Variants in MAGI2 observed in about 807,000 individuals in gnomAD.
The protein encoded by MAGI2 is membrane-associated guanylate kinase, WW and PDZ domain-containing protein 2.
MAGI2 carries 35 observed loss-of-function variants against 133.3 expected under a neutral mutation model. The ratio of observed to expected loss-of-function variants is 0.26; its 90% confidence interval spans 0.20 to 0.35. The LOEUF is 0.35. Among genes scored for constraint, MAGI2 ranks in the 10% least tolerant of loss-of-function variants. The pLI, the probability that MAGI2 is intolerant of heterozygous loss-of-function variation, is 1.00. For missense variants in MAGI2, 1,636 were observed against 1,863.4 expected (o/e 0.88, Z 2.25); for synonymous variants, 729 against 710.6 (o/e 1.03, Z -0.41).
rs552477253 is a variant in MAGI2, at chr7:79,375,998, A to G, written c.301+77022T>C. Reference sequence around the variant, plus strand: ...TTTTTCTTAAATGATTCTTTTATATAGGTTAACATGATTAGTTTACCTAGG... The same window carrying G: ...TTTTTCTTAAATGATTCTTTTATATGGGTTAACATGATTAGTTTACCTAGG... On this transcript the variant is annotated intron_variant, in intron 1 of 21. Transcript: ENST00000354212. 1.2e-4 allele frequency among the ~76,000 whole-genome samples: 18 copies of G among 152,032 alleles called. No individual in the cohort carries two copies. The East Asian group carries it at 3.5e-3, about 29-fold the overall frequency.
chr7:78,943,509 C>A (rs1260206883), intron 2 of MAGI2, among the ~76,000 whole-genome samples: 1 of 152,090 alleles, frequency 6.6e-6, no homozygotes, highest in Non-Finnish European at 1.5e-5. Context: ...GAAATGGCCT[C>A]ATTATACAGC....
At chr7:78,832,943 C>T (rs1050606896) in intron 2 of MAGI2, among the ~76,000 whole-genome samples, 2 of 152,126 alleles carry the variant, frequency 1.3e-5, no homozygotes, top group African/African-American at 4.8e-5. Context: ...TAAACCGACG[C>T]ATGAGGGGCA....
In MAGI2 at chr7:78,018,714, C is replaced by T. The variant is rs2151026794; in HGVS notation, c.*601G>A. 6.4e-6 allele frequency: 1 copy of T among 155,196 alleles called. No homozygotes were observed. The highest frequency in any genetic ancestry group is 2.4e-5 in the African/African-American group (1 of 41,712). 9.6% of individuals were successfully genotyped at this position (155,196 alleles called of 1,614,324 possible). A position where few individuals can be genotyped will look rare whatever the true frequency, so the allele number is the denominator to read the frequency against. ...GTCATCCTGCAGGAGGCAGGGAACG[C>T]TGCTGCTAACACCGAGGATGGATGC... On this transcript the variant is annotated 3_prime_UTR_variant, in exon 22 of 22. Coordinates refer to ENST00000354212, the MANE Select transcript of MAGI2 (RefSeq NM_012301.4).
intron 1 of MAGI2, among the ~76,000 whole-genome samples, chr7:79,437,958 C>T (rs574695839): frequency 2.6e-4 from 40 of 152,232 alleles, no homozygotes; most frequent in Admixed American, 9.8e-4. Context: ...ATGTCCTCCT[C>T]TTCCCCTATT....
intron 6 of MAGI2, among the ~76,000 whole-genome samples, chr7:78,443,573 C>T (rs139661456): frequency 3.1e-4 from 47 of 152,144 alleles, no homozygotes; most frequent in African/African-American, 1.1e-3. Context: ...TTTGATTATT[C>T]CTCTGTTATA....
At chr7:78,701,684 C>A (rs1191935467) in intron 2 of MAGI2, among the ~76,000 whole-genome samples, 2 of 151,930 alleles carry the variant, frequency 1.3e-5, no homozygotes, top group South Asian at 2.1e-4. Context: ...TCCTTCCTTC[C>A]TTCATAAACT....
At chr7:78,827,575 C>G (rs866741050) in intron 2 of MAGI2, among the ~76,000 whole-genome samples, 1 of 152,058 alleles carries the variant, frequency 6.6e-6, no homozygotes, top group South Asian at 2.1e-4. Flanking sequence ...CATGGTGCAC[C>G]CAGCCTCTTT....
At chr7:78,284,813 T>G (rs1269394398) in intron 9 of MAGI2, among the ~76,000 whole-genome samples, 1 of 152,106 alleles carries the variant, frequency 6.6e-6, no homozygotes. Context: ...GGTAGGAGAA[T>G]CTTCCTCCCT....
intron 1 of MAGI2, among the ~76,000 whole-genome samples, chr7:79,286,238 AATAAAT>A (rs1835988979): frequency 6.6e-6 from 1 of 152,066 alleles, no homozygotes; most frequent in Non-Finnish European, 1.5e-5. Flanking sequence ...AAATATAAGT[AATAAAT>A]ATAAAGTCTT....
At chr7:78,302,810 C>A (rs927555211) in intron 9 of MAGI2, among the ~76,000 whole-genome samples, 1 of 152,200 alleles carries the variant, frequency 6.6e-6, no homozygotes, top group Non-Finnish European at 1.5e-5. Flanking sequence ...CATAGTCTTC[C>A]CCAATTCAGC....
intron 6 of MAGI2, among the ~76,000 whole-genome samples, chr7:78,429,886 C>T (rs550139305): frequency 6.6e-6 from 1 of 151,990 alleles, no homozygotes; most frequent in Non-Finnish European, 1.5e-5. Context: ...ATCAAGAAAT[C>T]GAGGTATTGA....
intron 1 of MAGI2, among the ~76,000 whole-genome samples, chr7:79,169,200 C>T (rs1370469329): frequency 3.3e-5 from 5 of 151,930 alleles, no homozygotes; most frequent in Non-Finnish European, 5.9e-5. Flanking sequence ...GTTGGTATTC[C>T]TCAGGGTTCT....
intron 6 of MAGI2, among the ~76,000 whole-genome samples, chr7:78,401,800 C>T (rs1311241013): frequency 6.6e-6 from 1 of 152,074 alleles, no homozygotes; most frequent in Non-Finnish European, 1.5e-5. Context: ...GACAATAATA[C>T]CTACCACACA....
chr7:78,078,681 C>A (rs773083776), intron 21 of MAGI2: 1 of 556,562 alleles, frequency 1.8e-6, no homozygotes, highest in Non-Finnish European at 3.1e-6. Flanking sequence ...TCACAGATGC[C>A]CTGAAAGGTC....
intron 9 of MAGI2, among the ~76,000 whole-genome samples, chr7:78,297,853 G>A (rs1446535230): frequency 1.8e-5 from 2 of 110,086 alleles, no homozygotes; most frequent in South Asian, 8.1e-4. Context: ...GGGGAGGGGG[G>A]AGGGATAGCA....
chr7:78,557,144 T>C (rs1584623177), intron 3 of MAGI2, among the ~76,000 whole-genome samples: 1 of 145,932 alleles, frequency 6.9e-6, no homozygotes. Context: ...AAACTGAGGC[T>C]AGAAGATTTT....
chr7:78,993,526 A>C (rs1335594716), intron 2 of MAGI2, among the ~76,000 whole-genome samples: 2 of 152,054 alleles, frequency 1.3e-5, no homozygotes, highest in African/African-American at 4.8e-5. Flanking sequence ...CTTAGGTGTC[A>C]CAGGAAGTTG....
At chr7:79,192,594 G>A (rs1173421214) in intron 1 of MAGI2, among the ~76,000 whole-genome samples, 2 of 151,848 alleles carry the variant, frequency 1.3e-5, no homozygotes, top group Non-Finnish European at 2.9e-5. Context: ...TGGCAAATAT[G>A]TGTGAAGACC....
intron 2 of MAGI2, among the ~76,000 whole-genome samples, chr7:78,923,428 C>T (rs1005423989): frequency 5.1e-4 from 77 of 152,278 alleles, no homozygotes; most frequent in African/African-American, 1.9e-3. Flanking sequence ...CCAGTTTTCC[C>T]AGCACCATTT....
Sources: gnomAD v4.1 joint callset for allele counts (sites outside exome capture counted in the v4.1 genomes callset) on GRCh38, gnomAD v4.1.1 for gene constraint, MANE v1.5 for transcripts, NCBI Gene and HGNC (gene_info 2026-07-23, HGNC 2026-07-21) for gene names.